The following PRDM15 variants were observed in gnomAD, a reference collection of about 807,000 sequenced individuals.
The protein encoded by PRDM15 is PR/SET domain 15.
A neutral mutation model predicts 128.6 loss-of-function variants in PRDM15; 64 were observed. That is an observed-to-expected ratio of 0.50 (90% CI 0.41 to 0.61). The LOEUF is 0.61. Ranked by LOEUF, PRDM15 falls within the 20% of genes least tolerant of loss-of-function variation. The pLI is 0.00. For missense variants in PRDM15, 1,242 were observed against 1,569.1 expected (o/e 0.79, Z 3.52); for synonymous variants, 615 against 621.8 (o/e 0.99, Z 0.16).
chr21:41,829,506 C>T (rs1266562014), intron 11 of PRDM15, among the ~76,000 whole-genome samples: 2 of 151,824 alleles, frequency 1.3e-5, no homozygotes, highest in South Asian at 2.1e-4. Flanking sequence ...ACACATTCAA[C>T]ACATCACACA....
chr21:41,858,998 A>T, intron 3 of PRDM15: 1 of 1,501,044 alleles, frequency 6.7e-7, no homozygotes, highest in Non-Finnish European at 9.0e-7. Flanking sequence ...GAGGCCACCG[A>T]GGTCCGGAGA....
At position 41,798,452 on chromosome 21, in the gene PRDM15, C is replaced by T. The variant is rs1002757275; in HGVS notation, c.*2788G>A. 9 of 152,362 alleles carry T rather than the reference C, an allele frequency of 5.9e-5. No homozygotes were observed. Among genetic ancestry groups the T allele is most frequent in the African/African-American group, 2.2e-4 (9 of 41,458 alleles). 9.4% of individuals were successfully genotyped at this position (152,362 alleles called of 1,614,324 possible). ...TCCACGCCGGACCCTCCAGCGCAGT[C>T]CCATGCCGGACACAGCGAGGCGGCA... On this transcript the variant is annotated 3_prime_UTR_variant, in exon 24 of 24. Transcript: ENST00000398548.
Position 41,810,164 on chromosome 21 carries a change from T to C in PRDM15, c.2642A>G (p.Lys881Arg), listed in dbSNP as rs1195380817. 1.2e-6 allele frequency: 2 copies of C among 1,608,022 alleles called. No individual in the cohort carries two copies. Among genetic ancestry groups the C allele is most frequent in the African/African-American group, 1.3e-5 (1 of 74,988 alleles). ...CAGCCACCAGCTCACCTCGGGGTGC[T>C]TGCGCCGCATGTGTCGGCTCATGGA... ...RASMSRHMRR[K>R]HPEVLAVRID... The change falls in exon 21 of 24, where the codon AAG (lysine) becomes AGG (arginine). Residue 881 changes from lysine (K) to arginine (R), a missense_variant. Lys to Arg is a conservative substitution (Grantham distance 26). This residue lies in a region of PRDM15 where 602 missense variants were observed against 788.3 expected (regional missense o/e 0.76). Transcript: ENST00000398548. This position sits in a 1 kb window ranked among gnomAD's most constrained non-coding sequence, Gnocchi z 6.4.
rs750054631 is a variant in PRDM15 at position 41,821,048 on chromosome 21, GC to G, written c.2060+18del. On this transcript the variant is annotated intron_variant, in intron 16 of 23. Coordinates refer to ENST00000398548, the MANE Select transcript of PRDM15 (RefSeq NM_001040424.3). This position sits in a 1 kb window ranked among gnomAD's most constrained non-coding sequence, Gnocchi z 5.4. ...CCCTCTCTCCTGACACAACCCGGGAGCCCCCGACCAGGCCTCACTTCTGCAC... is the reference window on the plus strand; with the variant it reads ...CCCTCTCTCCTGACACAACCCGGGAGCCCCGACCAGGCCTCACTTCTGCAC... 2 of 1,614,080 alleles carry G rather than the reference GC, an allele frequency of 1.2e-6. No homozygotes were observed. Among genetic ancestry groups the G allele is most frequent in the Non-Finnish European group, 1.7e-6 (2 of 1,179,948 alleles).
In PRDM15 at chr21:41,866,054, T is replaced by C. The variant is rs375021786; in HGVS notation, c.-9-5682A>G. 8.5e-5 allele frequency among the ~76,000 whole-genome samples: 13 copies of C among 152,324 alleles called. 2 individuals carry two copies. Among genetic ancestry groups the C allele is most frequent in the Admixed American group, 2.0e-4 (3 of 15,302 alleles). On this transcript the variant is annotated intron_variant, in intron 1 of 23. Transcript: ENST00000398548. ...CCACGCCCAGCCTCTACTAGATCTT[T>C]AACCATGAAAGACAGAAGCTTAAAA...
chr21:41,811,000 G>T lies in PRDM15; in HGVS notation c.2393-164C>A. The T allele has an allele frequency of 1.7e-6, 1 of 591,438 alleles. No homozygotes were observed. Among genetic ancestry groups the T allele is most frequent in the Non-Finnish European group, 3.0e-6 (1 of 329,400 alleles). 36.6% of individuals were successfully genotyped at this position (591,438 alleles called of 1,614,324 possible). A position where few individuals can be genotyped will look rare whatever the true frequency, so the allele number is the denominator to read the frequency against. ...GAACGCTCATCCCCAGCCTCGGCCAGCAAAGTGTGGCTTGGAAAGTTTATG... is the reference window on the plus strand; with the variant it reads ...GAACGCTCATCCCCAGCCTCGGCCATCAAAGTGTGGCTTGGAAAGTTTATG... On this transcript the variant is annotated intron_variant, in intron 19 of 23. Transcript: ENST00000398548. The surrounding 1 kb of genome is among the most constrained non-coding windows in gnomAD (Gnocchi z 6.4).
intron 4 of PRDM15, among the ~76,000 whole-genome samples, chr21:41,856,259 C>CTCCCTTCCT (rs1274944003): frequency 8.2e-4 from 11 of 13,422 alleles, no homozygotes; most frequent in Non-Finnish European, 1.1e-3. Flanking sequence ...CCTCCCTCCC[C>CTCCCTTCCT]TCCCTTCCTT....
chr21:41,860,247 A>G, intron 2 of PRDM15, 80 bp downstream of exon 2: 1 of 1,096,720 alleles, frequency 9.1e-7, no homozygotes, highest in South Asian at 1.3e-5. Context: ...GGCTTTGCCC[A>G]GACAGCAAGC....
At position 41,810,359 on chromosome 21, in the gene PRDM15, C is replaced by T. The variant is rs1236306082; in HGVS notation, c.2477-30G>A. 26 of 1,596,286 alleles carry T rather than the reference C, an allele frequency of 1.6e-5. No individual in the cohort carries two copies. The highest frequency in any genetic ancestry group is 5.1e-5 in the Admixed American group (3 of 59,386). On this transcript the variant is annotated intron_variant, in intron 20 of 23. Transcript: ENST00000398548. The surrounding 1 kb of genome is among the most constrained non-coding windows in gnomAD (Gnocchi z 6.4). The stretch of plus-strand genomic sequence containing the variant: ...TCACACACACGCAGACACACATGCG[C>T]GTGGAAAGGAAGAGACACGCAGGTC...
chr21:41,820,512 A>T (rs1256870519), intron 16 of PRDM15, among the ~76,000 whole-genome samples: 1 of 152,176 alleles, frequency 6.6e-6, no homozygotes, highest in African/African-American at 2.4e-5. Flanking sequence ...CGCACAGTGG[A>T]ACGGCCCTAT....
chr21:41,804,791 G>C (rs1419629903), intron 21 of PRDM15, 177 bp from the exon 22 acceptor site: 2 of 531,034 alleles, frequency 3.8e-6, no homozygotes, highest in Non-Finnish European at 6.6e-6. Flanking sequence ...GTGTCCAGAA[G>C]CCCAGGGCTT....
intron 19 of PRDM15, among the ~76,000 whole-genome samples, chr21:41,815,165 G>A (rs2062008067): frequency 6.6e-6 from 1 of 151,634 alleles, no homozygotes; most frequent in African/African-American, 2.4e-5. Context: ...TAAGATCTTG[G>A]CCTTGTGTTA....
At chr21:41,855,899 T>C (rs916974672) in intron 4 of PRDM15, among the ~76,000 whole-genome samples, 20 of 49,478 alleles carry the variant, frequency 4.0e-4, no homozygotes, top group Middle Eastern at 0.01. Context: ...CTTTCCTTCC[T>C]TCCTTCCTTT....
At chr21:41,840,896 G>A (rs1160368442) in intron 6 of PRDM15, among the ~76,000 whole-genome samples, 2 of 152,020 alleles carry the variant, frequency 1.3e-5, no homozygotes, top group African/African-American at 4.8e-5. Context: ...AAAACACAAT[G>A]TGTCGTATTA....
intron 1 of PRDM15, among the ~76,000 whole-genome samples, chr21:41,875,551 T>C (rs1047749321): frequency 1.3e-5 from 2 of 152,256 alleles, no homozygotes; most frequent in South Asian, 2.1e-4. Flanking sequence ...CTCTTGTAAA[T>C]ATATCTATTA....
At chr21:41,831,646 C>T (rs1465381158) in intron 11 of PRDM15, among the ~76,000 whole-genome samples, 1 of 152,190 alleles carries the variant, frequency 6.6e-6, no homozygotes, top group East Asian at 1.9e-4. Flanking sequence ...AAGGCATGGC[C>T]GACAGCGAAG....
At chr21:41,878,824 G>GGGGGCCGC in intron 1 of PRDM15, 3 of 1,061,184 alleles carry the variant, frequency 2.8e-6, no homozygotes, top group East Asian at 8.8e-5. Context: ...GCCCGGCGGC[G>GGGGGCCGC]GGGGCCGCGG....
intron 6 of PRDM15, among the ~76,000 whole-genome samples, chr21:41,841,506 T>A (rs888235355): frequency 9.9e-5 from 15 of 151,004 alleles, no homozygotes; most frequent in Non-Finnish European, 1.8e-4. Flanking sequence ...GCAATAAGAG[T>A]GATTTTAGAT....
rs1272781842 is a variant in PRDM15, at chr21:41,837,961, G to A, written c.974C>T (p.Thr325Ile). The A allele has an allele frequency of 2.5e-6, 4 of 1,614,228 alleles. No individual in the cohort carries two copies. The highest frequency in any genetic ancestry group is 3.4e-6 in the Non-Finnish European group (4 of 1,180,040). Reference protein sequence around the residue: ...MELVLGKLATTTTDTSSVPKF... With the variant: ...MELVLGKLATITTDTSSVPKF... ...TGGAACCGAGCTGGTGTCAGTGGTG[G>A]TGGTGGCCAGCTTCCCCAGAACCAG... Residue 325 changes from threonine to isoleucine, a missense_variant, in exon 8 of 24, where the codon ACC becomes ATC. By Grantham distance (89) the Thr-to-Ile change is moderately conservative. Transcript: ENST00000398548.
Sources: gnomAD v4.1 joint callset for allele counts (sites outside exome capture counted in the v4.1 genomes callset) on GRCh38, gnomAD v4.1.1 for gene constraint, gnomAD v4.1.1 regional missense constraint, Gnocchi (gnomAD v3.1) non-coding constraint, MANE v1.5 for transcripts, NCBI Gene and HGNC (gene_info 2026-07-23, HGNC 2026-07-21) for gene names.